The following DNAH14 variants were observed in gnomAD, a reference collection of about 807,000 sequenced individuals.
DNAH14 encodes dynein axonemal heavy chain 14.
In DNAH14, 478 loss-of-function variants were observed where a neutral mutation model predicts 520.9. That is an observed-to-expected ratio of 0.92 (90% CI 0.85 to 0.99). The LOEUF (loss-of-function observed/expected upper bound fraction) is 0.99, where lower values mean the gene tolerates loss of function less well. Ranked by LOEUF, DNAH14 falls within the 50% of genes least tolerant of loss-of-function variation. The pLI is 0.00. For synonymous variants in DNAH14, 1,581 were observed against 1,757.2 expected (o/e 0.90, Z 2.51); for missense variants, 4,831 against 5,234.5 (o/e 0.92, Z 2.38).
chr1:225,155,291 A>G (rs953819092), intron 34 of DNAH14, among the ~76,000 whole-genome samples: 1 of 152,190 alleles, frequency 6.6e-6, no homozygotes, highest in Non-Finnish European at 1.5e-5. Flanking sequence ...TATCAACATG[A>G]TAACTGTTTC....
At chr1:225,018,971 T>C (rs1312602365) in intron 10 of DNAH14, among the ~76,000 whole-genome samples, 3 of 152,066 alleles carry the variant, frequency 2.0e-5, no homozygotes, top group African/African-American at 7.2e-5. Context: ...TAAACACACT[T>C]AAGTACATAG....
At chr1:225,374,272 T>TATA (rs1558562002) in intron 77 of DNAH14, among the ~76,000 whole-genome samples, 1 of 128,506 alleles carries the variant, frequency 7.8e-6, no homozygotes, top group African/African-American at 3.1e-5. Flanking sequence ...ATATATATAT[T>TATA]TTTTTTTGAG....
At chr1:225,366,558 T>G (rs955492886) in intron 76 of DNAH14, among the ~76,000 whole-genome samples, 1 of 152,188 alleles carries the variant, frequency 6.6e-6, no homozygotes, top group African/African-American at 2.4e-5. Context: ...ATTTTCTCAT[T>G]TCTCCACAAT....
At chr1:225,231,197 G>C (rs1235107647) in intron 42 of DNAH14, 46 bp downstream of exon 42, 29 of 1,322,450 alleles carry the variant, frequency 2.2e-5, no homozygotes, top group Non-Finnish European at 2.9e-5. Flanking sequence ...ACCATTAGGT[G>C]CCAGACCCTC....
chr1:225,283,750 G>T (rs1418238939), intron 54 of DNAH14, among the ~76,000 whole-genome samples: 1 of 152,086 alleles, frequency 6.6e-6, no homozygotes, highest in African/African-American at 2.4e-5. Flanking sequence ...AAGCAAACAT[G>T]TAACATTCTT....
chr1:225,191,201 G>C (rs1168639470), intron 37 of DNAH14, among the ~76,000 whole-genome samples: 2 of 151,324 alleles, frequency 1.3e-5, no homozygotes, highest in Non-Finnish European at 1.5e-5. Context: ...TTTTTCATTT[G>C]AGCCTGAAGC....
intron 27 of DNAH14, among the ~76,000 whole-genome samples, chr1:225,125,810 G>A (rs546137773): frequency 6.6e-6 from 1 of 152,274 alleles, no homozygotes; most frequent in African/African-American, 2.4e-5. Flanking sequence ...CTTTCAGCCT[G>A]TTTTGGCTTT....
At chr1:225,221,217 T>A (rs2090024859) in intron 41 of DNAH14, among the ~76,000 whole-genome samples, 1 of 152,112 alleles carries the variant, frequency 6.6e-6, no homozygotes, top group Non-Finnish European at 1.5e-5. Context: ...GAAGAAAACC[T>A]AAGCAATACC....
At chr1:224,944,012 C>T (rs1379520422) in intron 1 of DNAH14, among the ~76,000 whole-genome samples, 4 of 152,054 alleles carry the variant, frequency 2.6e-5, no homozygotes, top group African/African-American at 7.2e-5. Flanking sequence ...CTATTAGGTC[C>T]ACTTGGTGCA....
At chr1:225,156,677 T>C (rs1055634436) in intron 34 of DNAH14, among the ~76,000 whole-genome samples, 8 of 151,718 alleles carry the variant, frequency 5.3e-5, no homozygotes, top group African/African-American at 1.9e-4. Context: ...TATTTACATC[T>C]GGATACTCTA....
chr1:225,266,966 C>T (rs1297991223), intron 49 of DNAH14, among the ~76,000 whole-genome samples, 197 bp downstream of exon 49: 1 of 151,994 alleles, frequency 6.6e-6, no homozygotes, highest in Non-Finnish European at 1.5e-5. Context: ...TATAGAAATC[C>T]TACTTTTAAT....
chr1:225,363,330 TTTCAA>T (rs1243959602), intron 75 of DNAH14, among the ~76,000 whole-genome samples: 1 of 152,226 alleles, frequency 6.6e-6, no homozygotes, highest in Non-Finnish European at 1.5e-5. Flanking sequence ...TTGGCCAAAG[TTTCAA>T]TTCAAGATTT....
chr1:225,257,937 C>G, intron 44 of DNAH14, 23 bp from the exon 45 acceptor site: 1 of 1,504,238 alleles, frequency 6.6e-7, no homozygotes, highest in Non-Finnish European at 8.9e-7. Flanking sequence ...TCATTTGAAA[C>G]TTTTTTTAAA....
chr1:225,269,082 T>C (rs1259869461), intron 49 of DNAH14, among the ~76,000 whole-genome samples: 1 of 152,144 alleles, frequency 6.6e-6, no homozygotes, highest in Non-Finnish European at 1.5e-5. Flanking sequence ...CAAACTATAC[T>C]ACAAGGCTAC....
intron 8 of DNAH14, among the ~76,000 whole-genome samples, chr1:224,994,271 G>T (rs2063247169): frequency 6.6e-6 from 1 of 151,856 alleles, no homozygotes; most frequent in African/African-American, 2.4e-5. Context: ...TTGAAAATTG[G>T]TTATTGATAT....
chr1:225,146,254 T>C (rs1423304007), intron 30 of DNAH14, among the ~76,000 whole-genome samples: 1 of 152,102 alleles, frequency 6.6e-6, no homozygotes, highest in Admixed American at 6.6e-5. Context: ...AAATTTTAAA[T>C]TAAGACAAGA....
chr1:225,300,936 T>C lies in DNAH14; in HGVS notation c.8537T>C (p.Val2846Ala). The part of the protein sequence containing the change: ...SGRIPDLFEN[V>A]ELDSIAMKIR... ...AGAATACCTGACCTGTTTGAAAATG[T>C]TGAGCTGGATTCTATTGCAATGAAA... The change falls in exon 56 of 86, where the codon GTT becomes GCT. Residue 2846 changes from valine to alanine, a missense_variant. Physicochemically the swap from Val to Ala is moderately conservative, Grantham distance 64. Transcript: ENST00000682510. 1 of 1,551,498 alleles carries C rather than the reference T, an allele frequency of 6.4e-7. No homozygotes were observed. Among genetic ancestry groups the C allele is most frequent in the Non-Finnish European group, 8.7e-7 (1 of 1,146,890 alleles).
intron 66 of DNAH14, among the ~76,000 whole-genome samples, chr1:225,335,160 TGTGTGC>T (rs1219060769): frequency 6.7e-6 from 1 of 148,638 alleles, no homozygotes; most frequent in African/African-American, 2.5e-5. Context: ...CATGTGTGCA[TGTGTGC>T]ATGTGTACAT....
chr1:225,265,112 A>T (rs751807694), intron 47 of DNAH14, 70 bp from the exon 48 acceptor site: 289 of 1,142,454 alleles, frequency 2.5e-4, no homozygotes, highest in Non-Finnish European at 3.3e-4. Flanking sequence ...TTCATGACAC[A>T]TTAAAATAAG....
Sources: gnomAD v4.1 joint callset for allele counts (sites outside exome capture counted in the v4.1 genomes callset) on GRCh38, gnomAD v4.1.1 for gene constraint, MANE v1.5 for transcripts, NCBI Gene and HGNC (gene_info 2026-07-23, HGNC 2026-07-21) for gene names.